The following SNX21 variants were observed in gnomAD, a reference collection of about 807,000 sequenced individuals.
SNX21 encodes sorting nexin-21.
In SNX21, 36 loss-of-function variants were observed where a neutral mutation model predicts 30.9. The ratio of observed to expected loss-of-function variants is 1.16; its 90% confidence interval spans 0.89 to 1.54. The LOEUF (loss-of-function observed/expected upper bound fraction) is 1.54, where lower values mean the gene tolerates loss of function less well. SNX21 is among the 40% of genes most tolerant of loss of function. The pLI is 0.00. For synonymous variants in SNX21, 218 were observed against 222.7 expected (o/e 0.98, Z 0.19); for missense variants, 508 against 516.5 (o/e 0.98, Z 0.16).
intron 2 of SNX21, 165 bp downstream of exon 2, chr20:45,834,633 C>T: frequency 1.0e-6 from 1 of 975,950 alleles, no homozygotes; most frequent in Non-Finnish European, 1.5e-6. Context: ...AGAGTCTTAA[C>T]CCCCCTCTGA....
chr20:45,841,512 T>C lies in SNX21; in HGVS notation c.*199T>C. On this transcript the variant is annotated 3_prime_UTR_variant, in exon 4 of 4. Transcript: ENST00000491381. ...TGAGCTTTGGCTGGGGTTGCCCTTG[T>C]GTAGTACAGGGAAGTCTGACACAGC... is the stretch of plus-strand genomic sequence containing the variant. 3.6e-6 allele frequency: 5 copies of C among 1,393,494 alleles called. No individual in the cohort carries two copies. The South Asian group carries it at 8.8e-5, about 25-fold the overall frequency. 86.3% of individuals were successfully genotyped at this position (1,393,494 alleles called of 1,614,324 possible).
chr20:45,841,764 G>A lies in SNX21; in HGVS notation c.*451G>A, dbSNP rs1273757984. 6.7e-7 allele frequency: 1 copy of A among 1,484,494 alleles called. No individual in the cohort carries two copies. Among genetic ancestry groups the A allele is most frequent in the African/African-American group, 1.4e-5 (1 of 70,980 alleles). 92.0% of individuals were successfully genotyped at this position (1,484,494 alleles called of 1,614,324 possible). A position where few individuals can be genotyped will look rare whatever the true frequency, so the allele number is the denominator to read the frequency against. On this transcript the variant is annotated 3_prime_UTR_variant, in exon 4 of 4. Coordinates refer to ENST00000491381, the MANE Select transcript of SNX21 (RefSeq NM_033421.4). ...TTTATTGGATGTGAGGGCCAAAAGGGACTGTAACTCCTGTCTCAGGAATGG... is the reference window on the plus strand; with the variant it reads ...TTTATTGGATGTGAGGGCCAAAAGGAACTGTAACTCCTGTCTCAGGAATGG...
chr20:45,839,050 C>T (rs1042835579), intron 3 of SNX21, among the ~76,000 whole-genome samples: 6 of 152,092 alleles, frequency 3.9e-5, no homozygotes, highest in Middle Eastern at 3.4e-3. Context: ...TGTGCCACCA[C>T]GCCTGGCTAA....
intron 3 of SNX21, among the ~76,000 whole-genome samples, chr20:45,839,733 CAAAAA>C (rs879266988): frequency 8.7e-6 from 1 of 114,934 alleles, no homozygotes; most frequent in East Asian, 2.6e-4. Flanking sequence ...CATCTCCATA[CAAAAA>C]AAAAAAAAAA....
intron 3 of SNX21, among the ~76,000 whole-genome samples, chr20:45,839,308 G>A (rs1434459281): frequency 6.6e-6 from 1 of 152,108 alleles, no homozygotes; most frequent in Non-Finnish European, 1.5e-5. Flanking sequence ...AAGGTCAGGA[G>A]ATCGAGACCA....
Position 45,840,977 on chromosome 20 carries a change from C to T in SNX21, c.786C>T (p.Leu262=), listed in dbSNP as rs1053693527. ...GCCTCTATCGTGAGGCTCTGGCACT[C>T]TGGGCCAATGCCTGGCAGCTGCAAG... ...CTGLYREALA[L]WANAWQLQAQ... Residue 262 remains leucine, a synonymous_variant, in exon 4 of 4, where the codon CTC becomes CTT. Transcript: ENST00000491381. 5 of 1,610,604 alleles carry T rather than the reference C, an allele frequency of 3.1e-6. No homozygotes were observed. The highest frequency in any genetic ancestry group is 4.2e-6 in the Non-Finnish European group (5 of 1,179,036).
chr20:45,840,915 C>A lies in SNX21; in HGVS notation c.724C>A (p.Pro242Thr). Residue 242 changes from proline (P) to threonine (T), a missense_variant, in exon 4 of 4, where the codon CCG becomes ACG. Pro to Thr is a conservative substitution (Grantham distance 38). Transcript: ENST00000491381. Reference protein sequence around the residue: ...APDLQDFFVLPELRRAQSLTC... With the variant: ...APDLQDFFVLTELRRAQSLTC... ...GGACCTGCAGGACTTCTTCGTGCTGCCGGAGCTGCGGCGGGCACAGAGCCT... is the reference window on the plus strand; with the variant it reads ...GGACCTGCAGGACTTCTTCGTGCTGACGGAGCTGCGGCGGGCACAGAGCCT... 6.2e-7 allele frequency: 1 copy of A among 1,612,534 alleles called. No homozygotes were observed. Among genetic ancestry groups the A allele is most frequent in the East Asian group, 2.2e-5 (1 of 44,866 alleles).
Position 45,842,447 on chromosome 20 carries a change from A to G in SNX21, c.*1134A>G. On this transcript the variant is annotated 3_prime_UTR_variant, in exon 4 of 4. Coordinates refer to ENST00000491381, the MANE Select transcript of SNX21 (RefSeq NM_033421.4). ...AAACTATCGGCTCCCTGTATAATAA[A>G]TCAAGCCAGGTCCTCCAAGTGGTAA... 9.3e-7 allele frequency: 1 copy of G among 1,074,822 alleles called. No homozygotes were observed. Among genetic ancestry groups the G allele is most frequent in the Non-Finnish European group, 1.1e-6 (1 of 886,672 alleles). The allele number at this position is 1,074,822 out of a possible 1,614,324, so 66.6% of individuals were successfully genotyped here.
Position 45,834,395 on chromosome 20 carries a change from CGAGGACGAGGACGACGAGGAGGCT to C in SNX21, c.218_241del (p.Glu73_Ala80del), listed in dbSNP as rs1568724757. ...CCAGCGCCGAGGACGACGAGGACGA[CGAGGACGAGGACGACGAGGAGGCT>C]GGCCCTGACCAGCTGCCCCTCGGGG... is the stretch of plus-strand genomic sequence containing the variant. On this transcript the variant is annotated inframe_deletion, in exon 2 of 4. Coordinates refer to ENST00000491381, the MANE Select transcript of SNX21 (RefSeq NM_033421.4). 2 of 1,598,376 alleles carry C rather than the reference CGAGGACGAGGACGACGAGGAGGCT, an allele frequency of 1.3e-6. No individual in the cohort carries two copies. Among genetic ancestry groups the C allele is most frequent in the East Asian group, 2.2e-5 (1 of 44,600 alleles).
chr20:45,843,074 G>A lies in SNX21; in HGVS notation c.*1761G>A. On this transcript the variant is annotated 3_prime_UTR_variant, in exon 4 of 4. Transcript: ENST00000491381. ...AGAGAACTTAAAAATACAGTTTCCT[G>A]GACCTTATCCAAGACCTACTGAGTG... The A allele has an allele frequency of 2.6e-6, 3 of 1,157,086 alleles. No individual in the cohort carries two copies. Among genetic ancestry groups the A allele is most frequent in the Non-Finnish European group, 3.3e-6 (3 of 920,520 alleles). The allele number at this position is 1,157,086 out of a possible 1,614,324, so 71.7% of individuals were successfully genotyped here.
chr20:45,836,419 A>G (rs1472888198), intron 3 of SNX21, among the ~76,000 whole-genome samples: 3 of 138,218 alleles, frequency 2.2e-5, no homozygotes, highest in East Asian at 2.4e-4. Flanking sequence ...TGAACCCAGG[A>G]GGCAGAGTTT....
At chr20:45,840,297 T>C in intron 3 of SNX21, 2 of 1,539,272 alleles carry the variant, frequency 1.3e-6, no homozygotes, top group South Asian at 2.4e-5. Flanking sequence ...TTGGCTGGGG[T>C]TTCAGCTTAT....
In SNX21 at chr20:45,833,896, C is replaced by T. The variant is rs1222068627; in HGVS notation, c.-24C>T. 7.3e-7 allele frequency: 1 copy of T among 1,379,074 alleles called. No individual in the cohort carries two copies. Among genetic ancestry groups the T allele is most frequent in the Non-Finnish European group, 9.4e-7 (1 of 1,066,734 alleles). 85.4% of individuals were successfully genotyped at this position (1,379,074 alleles called of 1,614,324 possible). A position where few individuals can be genotyped will look rare whatever the true frequency, so the allele number is the denominator to read the frequency against. On this transcript the variant is annotated 5_prime_UTR_variant, in exon 1 of 4. Coordinates refer to ENST00000491381, the MANE Select transcript of SNX21 (RefSeq NM_033421.4). ...GGGCTGCGGGGGGCTGCACCCGGAC[C>T]CCTGGGGCGCGGCGCGCCCCTGAAT...
At chr20:45,840,078 T>C (rs1192785070) in intron 3 of SNX21, 1 of 915,652 alleles carries the variant, frequency 1.1e-6, no homozygotes, top group African/African-American at 1.8e-5. Context: ...AGAGGGGGAC[T>C]CCCTTGCCTG....
In SNX21 at chr20:45,836,013, C is replaced by G. The variant is rs957349302; in HGVS notation, c.447+897C>G. On this transcript the variant is annotated intron_variant, in intron 3 of 3. Transcript: ENST00000491381. ...AGCTGGCCACTCCTGTCAGTGGCAG[C>G]TCTCCATCTCTCACTCCCCTCCTCT... Among the ~76,000 whole-genome samples the G allele has an allele frequency of 3.3e-5, 5 of 152,272 alleles. No individual in the cohort carries two copies. The South Asian group carries it at 1.0e-3, about 32-fold the overall frequency.
chr20:45,839,751 T>A (rs56050315), intron 3 of SNX21, among the ~76,000 whole-genome samples: 4,087 of 141,012 alleles, frequency 0.029, 199 homozygotes, highest in African/African-American at 0.098. Flanking sequence ...AAAAAAAAAA[T>A]TTTTTTAAAT....
chr20:45,842,989 A>G lies in SNX21; in HGVS notation c.*1676A>G. The G allele has an allele frequency of 9.6e-7, 1 of 1,044,868 alleles. No individual in the cohort carries two copies. The highest frequency in any genetic ancestry group is 4.7e-4 in the Middle Eastern group (1 of 2,120). The allele number at this position is 1,044,868 out of a possible 1,614,324, so 64.7% of individuals were successfully genotyped here. ...TTTCTCTCCCCTGCAAGGAAGGTCC[A>G]AGCAGGCCCTTAGGGACCACTGAAT... On this transcript the variant is annotated 3_prime_UTR_variant, in exon 4 of 4. Transcript: ENST00000491381.
In SNX21 at chr20:45,841,886, C is replaced by T. The variant is rs745510468; in HGVS notation, c.*573C>T. Reference sequence around the variant, plus strand: ...GGGGCTTCACTCGGATCACGCCCTCCTGGGCACAGGTCACAGCTAGGACTC... The same window carrying T: ...GGGGCTTCACTCGGATCACGCCCTCTTGGGCACAGGTCACAGCTAGGACTC... On this transcript the variant is annotated 3_prime_UTR_variant, in exon 4 of 4. Coordinates refer to ENST00000491381, the MANE Select transcript of SNX21 (RefSeq NM_033421.4). 3 of 1,611,602 alleles carry T rather than the reference C, an allele frequency of 1.9e-6. No homozygotes were observed. The highest frequency in any genetic ancestry group is 3.3e-5 in the Admixed American group (2 of 59,814).
rs752053796 is a variant in SNX21, at chr20:45,834,446, T to C, written c.267T>C (p.Asp89=). Residue 89 remains aspartate (D), a synonymous_variant, in exon 2 of 4, where the codon GAT becomes GAC. Transcript: ENST00000491381. ...GCCCTGACCAGCTGCCCCTCGGGGA[T>C]GGGACGTCAGGAGAAGACGCAGGCG... The part of the protein sequence containing the change: ...EAGPDQLPLG[D]GTSGEDAERS... 2 of 1,605,606 alleles carry C rather than the reference T, an allele frequency of 1.2e-6. No homozygotes were observed. Among genetic ancestry groups the C allele is most frequent in the Non-Finnish European group, 1.7e-6 (2 of 1,179,358 alleles).
Sources: allele counts gnomAD v4.1 joint callset (sites outside exome capture counted in the v4.1 genomes callset), GRCh38; gene constraint gnomAD v4.1.1; transcripts MANE v1.5; gene names NCBI Gene and HGNC (gene_info 2026-07-23, HGNC 2026-07-21).